The following RELB variants were observed in gnomAD, a reference collection of about 807,000 sequenced individuals.
RELB encodes transcription factor RelB.
RELB carries 14 observed loss-of-function variants against 55.4 expected under a neutral mutation model. The ratio of observed to expected loss-of-function variants is 0.25; its 90% confidence interval spans 0.17 to 0.40. The LOEUF (loss-of-function observed/expected upper bound fraction) is 0.40, where lower values mean the gene tolerates loss of function less well. Among genes scored for constraint, RELB ranks in the 10% least tolerant of loss-of-function variants. The pLI, the probability that RELB is intolerant of heterozygous loss-of-function variation, is 1.00. For synonymous variants in RELB, 409 were observed against 371.3 expected (o/e 1.10, Z -1.17); for missense variants, 669 against 830.7 (o/e 0.81, Z 2.39).
intron 3 of RELB, 25 bp from the exon 4 acceptor site, chr19:45,011,911 C>A (rs1488884783): frequency 1.4e-6 from 2 of 1,412,334 alleles, no homozygotes; most frequent in African/African-American, 1.5e-5. Flanking sequence ...ATGGGCGTCA[C>A]CACCCGTTTT....
intron 2 of RELB, among the ~76,000 whole-genome samples, chr19:45,009,287 G>C (rs1391351123): frequency 6.6e-6 from 1 of 152,068 alleles, no homozygotes; most frequent in Non-Finnish European, 1.5e-5. Context: ...CGCCATGTTG[G>C]CCAGGCTGGT....
chr19:45,001,558 G>T lies in RELB; in HGVS notation c.-22G>T. On this transcript the variant is annotated 5_prime_UTR_variant, in exon 1 of 12. Transcript: ENST00000221452. Reference sequence around the variant, plus strand: ...ATCGTCCACCAGACCGTGCCTCCCGGCCGCCCGGCCGGCCCGCGTGCATGC... The same window carrying T: ...ATCGTCCACCAGACCGTGCCTCCCGTCCGCCCGGCCGGCCCGCGTGCATGC... 1 of 1,402,032 alleles carries T rather than the reference G, an allele frequency of 7.1e-7. No individual in the cohort carries two copies. Among genetic ancestry groups the T allele is most frequent in the Non-Finnish European group, 9.3e-7 (1 of 1,070,906 alleles). 86.8% of individuals were successfully genotyped at this position (1,402,032 alleles called of 1,614,324 possible).
In RELB at chr19:45,037,521, T is replaced by G; in HGVS notation, c.1471T>G (p.Tyr491Asp). ...TGACCTCCTGGACGATGGCTTTGCC[T>G]ACGACCCTACGGCCCCCACACTCTT... ...GPDLLDDGFA[Y>D]DPTAPTLFTM... is the part of the protein sequence containing the mutation. The change falls in exon 12 of 12, where the codon TAC (tyrosine) becomes GAC (aspartate). Residue 491 changes from tyrosine to aspartate, a missense_variant. Physicochemically the swap from Tyr to Asp is radical, Grantham distance 160. Transcript: ENST00000221452. 3 of 1,613,392 alleles carry G rather than the reference T, an allele frequency of 1.9e-6. No individual in the cohort carries two copies. The highest frequency in any genetic ancestry group is 2.5e-6 in the Non-Finnish European group (3 of 1,179,762).
At chr19:45,037,150 C>T (rs1971696456) in intron 11 of RELB, among the ~76,000 whole-genome samples, 1 of 151,986 alleles carries the variant, frequency 6.6e-6, no homozygotes, top group Non-Finnish European at 1.5e-5. Flanking sequence ...ATGGCACATG[C>T]CTGGCCTGTA....
At chr19:45,011,697 T>G (rs559976549) in intron 3 of RELB, among the ~76,000 whole-genome samples, 6 of 150,590 alleles carry the variant, frequency 4.0e-5, no homozygotes, top group African/African-American at 1.5e-4. Flanking sequence ...TTCACCCACC[T>G]TGGCCTCCCA....
intron 4 of RELB, among the ~76,000 whole-genome samples, chr19:45,012,879 T>G (rs140537973): frequency 0.014 from 2,086 of 151,678 alleles, 66 homozygotes; most frequent in African/African-American, 0.048. Flanking sequence ...CAAAACCCCA[T>G]CTCTACAAAA....
At position 45,037,604 on chromosome 19, in the gene RELB, C is replaced by T. The variant is rs767720639; in HGVS notation, c.1554C>T (p.Ser518=). ...CACACGCTAGCGCTGTTGTGTGCAG[C>T]GGAGGTGCCGGGGCCGTGGTTGGGG... ...APPHASAVVC[S]GGAGAVVGET... is the part of the protein sequence containing the mutation. Residue 518 remains serine (S), a synonymous_variant, in exon 12 of 12, where the codon AGC becomes AGT. Transcript: ENST00000221452. 12 of 1,606,410 alleles carry T rather than the reference C, an allele frequency of 7.5e-6. No individual in the cohort carries two copies. Among genetic ancestry groups the T allele is most frequent in the Admixed American group, 1.7e-5 (1 of 58,690 alleles).
intron 2 of RELB, among the ~76,000 whole-genome samples, chr19:45,007,009 C>T (rs985657390): frequency 6.7e-6 from 1 of 149,906 alleles, no homozygotes; most frequent in African/African-American, 2.5e-5. Flanking sequence ...CTTTGAGGGA[C>T]TGGAGTGGGG....
chr19:45,019,465 C>T (rs1352949895), intron 4 of RELB, among the ~76,000 whole-genome samples: 2 of 152,168 alleles, frequency 1.3e-5, no homozygotes, highest in Non-Finnish European at 2.9e-5. Context: ...ATAAGCTCCT[C>T]TGTAGCTACA....
chr19:45,026,613 C>T (rs1971561659), intron 7 of RELB, among the ~76,000 whole-genome samples: 1 of 152,064 alleles, frequency 6.6e-6, no homozygotes, highest in Admixed American at 6.6e-5. Context: ...ACAATCTGTA[C>T]AACTATACCA....
intron 2 of RELB, among the ~76,000 whole-genome samples, chr19:45,006,297 C>T (rs981532504): frequency 8.6e-5 from 13 of 152,038 alleles, no homozygotes; most frequent in East Asian, 7.7e-4. Context: ...CTCCGACTCC[C>T]GGGTTCAAGC....
intron 4 of RELB, among the ~76,000 whole-genome samples, chr19:45,020,225 CTT>C (rs1165992006): frequency 2.1e-5 from 3 of 144,354 alleles, no homozygotes; most frequent in African/African-American, 5.1e-5. Context: ...CTCTCTCTCT[CTT>C]TTTTTTTTTT....
intron 8 of RELB, among the ~76,000 whole-genome samples, chr19:45,030,418 G>T (rs919040449): frequency 6.6e-6 from 1 of 152,062 alleles, no homozygotes; most frequent in African/African-American, 2.4e-5. Context: ...AATCACTTAT[G>T]GTCAGGAGTT....
At chr19:45,010,699 A>T (rs754195662) in intron 3 of RELB, among the ~76,000 whole-genome samples, 1 of 152,068 alleles carries the variant, frequency 6.6e-6, no homozygotes, top group Non-Finnish European at 1.5e-5. Flanking sequence ...ATTTTTTGAG[A>T]CAGAGTCTCG....
intron 2 of RELB, among the ~76,000 whole-genome samples, chr19:45,008,000 CAAAAAAAA>C (rs57007961): frequency 2.8e-3 from 179 of 63,018 alleles, no homozygotes; most frequent in Non-Finnish European, 3.5e-3. Flanking sequence ...GCTAAAAATA[CAAAAAAAA>C]AAAAAAAAAA....
intron 4 of RELB, among the ~76,000 whole-genome samples, chr19:45,017,701 G>T (rs7245887): frequency 0.023 from 3,033 of 132,744 alleles, 35 homozygotes; most frequent in South Asian, 0.084. Context: ...TGCTCTTGTT[G>T]CCCAGGCTGG....
At chr19:45,003,103 T>C in intron 2 of RELB, 107 bp downstream of exon 2, 1 of 1,088,548 alleles carries the variant, frequency 9.2e-7, no homozygotes. Context: ...ACCTCAGCTT[T>C]CTCCTGACAG....
intron 5 of RELB, among the ~76,000 whole-genome samples, chr19:45,023,493 A>T (rs944743267): frequency 1.3e-5 from 2 of 151,182 alleles, no homozygotes; most frequent in African/African-American, 4.9e-5. Flanking sequence ...GCTGGAATGC[A>T]GTGGCGCGAT....
intron 4 of RELB, among the ~76,000 whole-genome samples, chr19:45,013,977 G>A (rs771619407): frequency 2.0e-5 from 3 of 152,134 alleles, no homozygotes; most frequent in Admixed American, 6.6e-5. Flanking sequence ...ATCAAGGGAC[G>A]TGGGATGTCG....
Sources: allele counts gnomAD v4.1 joint callset (sites outside exome capture counted in the v4.1 genomes callset), GRCh38; gene constraint gnomAD v4.1.1; transcripts MANE v1.5; gene names NCBI Gene and HGNC (gene_info 2026-07-23, HGNC 2026-07-21).